Variants in TIAM1 observed in about 807,000 individuals in gnomAD.
TIAM1 encodes TIAM Rac1 associated GEF 1.
Under a neutral mutation model 163.5 loss-of-function variants are expected in TIAM1, and 65 were observed. That is an observed-to-expected ratio of 0.40 (90% confidence interval 0.33 to 0.49). TIAM1 has a LOEUF of 0.49. TIAM1 is among the 20% of genes least tolerant of loss of function. The probability of loss-of-function intolerance (pLI) is 0.77; values close to 1 mark genes in which losing one functional copy is unlikely to be tolerated. For synonymous variants in TIAM1, 833 were observed against 810.1 expected (o/e 1.03, Z -0.48); for missense variants, 1,789 against 2,044.7 (o/e 0.87, Z 2.41).
chr21:31,157,291 T>G (rs546766250), intron 16 of TIAM1, among the ~76,000 whole-genome samples: 3 of 152,196 alleles, frequency 2.0e-5, no homozygotes, highest in African/African-American at 7.2e-5. Context: ...ACGGTGGTCA[T>G]AGCGGTAGTG....
At chr21:31,215,515 C>T (rs1043136729) in intron 9 of TIAM1, among the ~76,000 whole-genome samples, 4 of 144,954 alleles carry the variant, frequency 2.8e-5, no homozygotes, top group East Asian at 2.1e-4. Flanking sequence ...GAGCTGAGAT[C>T]GCGCCATTGC....
chr21:31,326,378 CCA>C, intron 2 of TIAM1, among the ~76,000 whole-genome samples: 1 of 152,180 alleles, frequency 6.6e-6, no homozygotes, highest in South Asian at 2.1e-4. Context: ...TGGAGAATCC[CCA>C]GTGACCAGCT....
At chr21:31,369,331 GC>G (rs2076556336) in intron 2 of TIAM1, among the ~76,000 whole-genome samples, 1 of 151,938 alleles carries the variant, frequency 6.6e-6, no homozygotes, top group South Asian at 2.1e-4. Context: ...ATGTCTGTGT[GC>G]CCTTCAGATT....
In TIAM1 at chr21:31,477,396, T is replaced by A. The variant is rs914255933; in HGVS notation, c.-421-13361A>T. On this transcript the variant is annotated intron_variant, in intron 1 of 28. Coordinates refer to the TIAM1 transcript ENST00000286827. ...CCATTTTAGACTAACACAATCTGATTTGACCGATTCTTGTACAATATCCAC... is the reference window on the plus strand; with the variant it reads ...CCATTTTAGACTAACACAATCTGATATGACCGATTCTTGTACAATATCCAC... Among the ~76,000 whole-genome samples, 4 of 152,158 alleles carry A rather than the reference T, an allele frequency of 2.6e-5. No homozygotes were observed. In the East Asian group the frequency reaches 5.8e-4, roughly 22 times the overall value.
intron 1 of TIAM1, among the ~76,000 whole-genome samples, chr21:31,493,076 C>T (rs569676659): frequency 1.3e-5 from 2 of 152,248 alleles, no homozygotes; most frequent in South Asian, 4.1e-4. Flanking sequence ...ATCAAAACCA[C>T]TCACTGACCT....
intron 10 of TIAM1, 38 bp from the exon 11 acceptor site, chr21:31,210,253 G>T: frequency 1.2e-6 from 2 of 1,603,364 alleles, no homozygotes; most frequent in South Asian, 1.1e-5. Context: ...CAGCAGCAGT[G>T]GAGCTCTGAC....
At chr21:31,430,523 T>A (rs183802705) in intron 2 of TIAM1, among the ~76,000 whole-genome samples, 50 of 151,780 alleles carry the variant, frequency 3.3e-4, no homozygotes, top group African/African-American at 1.2e-3. Context: ...GTATTATGTA[T>A]AATAAACAAA....
intron 2 of TIAM1, among the ~76,000 whole-genome samples, chr21:31,322,596 A>C (rs1295729242): frequency 1.3e-5 from 2 of 152,036 alleles, no homozygotes; most frequent in Non-Finnish European, 2.9e-5. Context: ...TCTTGGCCTC[A>C]ACAACCTGGC....
chr21:31,496,244 C>T (rs1014544533), intron 1 of TIAM1, among the ~76,000 whole-genome samples: 1 of 152,102 alleles, frequency 6.6e-6, no homozygotes, highest in Non-Finnish European at 1.5e-5. Flanking sequence ...AATCCCAACA[C>T]ATTGGGAGGC....
At chr21:31,447,275 A>T (rs28648802) in intron 2 of TIAM1, among the ~76,000 whole-genome samples, 17 of 152,058 alleles carry the variant, frequency 1.1e-4, no homozygotes, top group Non-Finnish European at 1.9e-4. Flanking sequence ...CTGGGAAAAA[A>T]ATTTTTTTTT....
chr21:31,303,155 CT>C (rs2074566563), intron 2 of TIAM1, among the ~76,000 whole-genome samples: 1 of 152,118 alleles, frequency 6.6e-6, no homozygotes, highest in Non-Finnish European at 1.5e-5. Flanking sequence ...TTTATAAATA[CT>C]GATAATTTGC....
At chr21:31,460,018 A>G (rs112229287) in intron 2 of TIAM1, among the ~76,000 whole-genome samples, 103 of 152,296 alleles carry the variant, frequency 6.8e-4, no homozygotes, top group African/African-American at 2.3e-3. Flanking sequence ...TGGGGGACCC[A>G]CACCCAGATT....
At chr21:31,436,773 C>G (rs1301405185) in intron 2 of TIAM1, among the ~76,000 whole-genome samples, 5 of 151,994 alleles carry the variant, frequency 3.3e-5, no homozygotes, top group African/African-American at 1.2e-4. Flanking sequence ...GCCTAGCCAA[C>G]ATGGTGAAAC....
At chr21:31,500,574 G>A (rs2046816583) in intron 1 of TIAM1, among the ~76,000 whole-genome samples, 2 of 152,184 alleles carry the variant, frequency 1.3e-5, no homozygotes, top group South Asian at 4.1e-4. Flanking sequence ...CACTGCAGAT[G>A]TGGTCAAGTT....
rs938927506 is a variant in TIAM1, at chr21:31,141,029, A to T, written c.3774+89T>A. 21 of 996,368 alleles carry T rather than the reference A, an allele frequency of 2.1e-5. No homozygotes were observed. The African/African-American group carries it at 3.1e-4, about 15-fold the overall frequency. The allele number at this position is 996,368 out of a possible 1,614,324, so 61.7% of individuals were successfully genotyped here. A position where few individuals can be genotyped will look rare whatever the true frequency, so the allele number is the denominator to read the frequency against. ...CATCCTAACTATTTTACTTACAAGT[A>T]ACACCTTTTTAAAAAATAAATAAAT... On this transcript the variant is annotated intron_variant, in intron 22 of 27. Transcript: ENST00000541036. This position sits in a 1 kb window ranked among gnomAD's most constrained non-coding sequence, Gnocchi z 4.7.
Position 31,302,369 on chromosome 21 carries a change from A to G in TIAM1, c.-188-25461T>C, listed in dbSNP as rs566179473. 2.0e-4 allele frequency among the ~76,000 whole-genome samples: 30 copies of G among 152,344 alleles called. No homozygotes were observed. In the South Asian group the frequency reaches 4.6e-3, roughly 23 times the overall value. On this transcript the variant is annotated intron_variant, in intron 2 of 27. Coordinates refer to ENST00000541036, the MANE Select transcript of TIAM1 (RefSeq NM_001353694.2). Reference sequence around the variant, plus strand: ...TCACATTGTTTTGTTTAAAAACAAAACCCAAAAAGTCTTAAGGACCTTCAG... The same window carrying G: ...TCACATTGTTTTGTTTAAAAACAAAGCCCAAAAAGTCTTAAGGACCTTCAG...
chr21:31,433,901 G>A (rs971259360), intron 2 of TIAM1, among the ~76,000 whole-genome samples: 2 of 151,810 alleles, frequency 1.3e-5, no homozygotes, highest in Non-Finnish European at 2.9e-5. Flanking sequence ...AGGCTCCAGC[G>A]ATCCTCGCAC....
chr21:31,359,317 CTT>C, intron 2 of TIAM1, among the ~76,000 whole-genome samples: 1 of 152,236 alleles, frequency 6.6e-6, no homozygotes, highest in Admixed American at 6.5e-5. Context: ...GTCTTTGCCT[CTT>C]TTGATCACCA....
intron 2 of TIAM1, among the ~76,000 whole-genome samples, chr21:31,311,342 A>C (rs1244232762): frequency 1.3e-5 from 2 of 152,206 alleles, no homozygotes; most frequent in African/African-American, 4.8e-5. Context: ...TGTCTTCTCT[A>C]AGACATTACC....
Sources: gnomAD v4.1 joint callset for allele counts (sites outside exome capture counted in the v4.1 genomes callset) on GRCh38, gnomAD v4.1.1 for gene constraint, Gnocchi (gnomAD v3.1) non-coding constraint, MANE v1.5 for transcripts, NCBI Gene and HGNC (gene_info 2026-07-23, HGNC 2026-07-21) for gene names.